Variants in SIGLEC1 observed in about 807,000 individuals in gnomAD.
SIGLEC1 encodes the protein sialoadhesin.
A neutral mutation model predicts 148.0 loss-of-function variants in SIGLEC1; 132 were observed. The observed-to-expected ratio is 0.89, with a 90% CI of 0.77 to 1.03. The LOEUF is 1.03. Ranked by LOEUF, SIGLEC1 falls within the 50% of genes least tolerant of loss-of-function variation. SIGLEC1 has a pLI of 0.00. For missense variants in SIGLEC1, 2,253 were observed against 2,271.4 expected, an observed-to-expected ratio of 0.99 and a Z score of 0.16; for synonymous variants, 945 against 969.0, an observed-to-expected ratio of 0.98 and a Z score of 0.46.
rs1027736142 is a variant in SIGLEC1, at chr20:3,688,473, C to T, written c.*87G>A. On this transcript the variant is annotated 3_prime_UTR_variant, in exon 22 of 22. Coordinates refer to ENST00000344754, the MANE Select transcript of SIGLEC1 (RefSeq NM_023068.4). ...GCTGTTTTCGTAGAGGCGGGCAGGA[C>T]TCAACACTGCCTCATTCACATTCAT... is the stretch of plus-strand genomic sequence containing the variant. The T allele has an allele frequency of 8.6e-7, 1 of 1,156,146 alleles. No homozygotes were observed. The allele number at this position is 1,156,146 out of a possible 1,614,324, so 71.6% of individuals were successfully genotyped here.
intron 1 of SIGLEC1, among the ~76,000 whole-genome samples, chr20:3,709,002 G>A (rs546708997): frequency 6.4e-5 from 8 of 125,528 alleles, no homozygotes; most frequent in East Asian, 5.1e-4. Context: ...CCAGGATCAC[G>A]CCACTGTACT....
Position 3,697,302 on chromosome 20 carries a change from C to G in SIGLEC1, c.2163G>C (p.Glu721Asp). 1 of 1,613,956 alleles carries G rather than the reference C, an allele frequency of 6.2e-7. No homozygotes were observed. The highest frequency in any genetic ancestry group is 8.5e-7 in the Non-Finnish European group (1 of 1,180,028). ...LAIAPSHTLQ[E>D]GTEANLTCNV... is the part of the protein sequence containing the mutation. ...TGCAAGTCAAGTTGGCTTCTGTGCCCTCCTGAAGTGTGTGTGATGGTGCAA... is the reference window on the plus strand; with the variant it reads ...TGCAAGTCAAGTTGGCTTCTGTGCCGTCCTGAAGTGTGTGTGATGGTGCAA... Residue 721 changes from glutamate to aspartate, a missense_variant, in exon 10 of 22, where the codon GAG becomes GAC. Physicochemically the swap from Glu to Asp is conservative, Grantham distance 45. Transcript: ENST00000344754.
intron 6 of SIGLEC1, 196 bp downstream of exon 6, chr20:3,703,001 T>C: frequency 1.7e-6 from 1 of 595,710 alleles, no homozygotes. Flanking sequence ...AAGTTTAAAC[T>C]TCCAAATATA....
At chr20:3,707,518 C>T (rs1307606356) in intron 1 of SIGLEC1, among the ~76,000 whole-genome samples, 1 of 152,168 alleles carries the variant, frequency 6.6e-6, no homozygotes, top group Non-Finnish European at 1.5e-5. Flanking sequence ...GCCCCCTCCC[C>T]ACCACCCAAA....
At position 3,707,084 on chromosome 20, in the gene SIGLEC1, T is replaced by C. The variant is rs368058450; in HGVS notation, c.45A>G (p.Pro15=). The C allele has an allele frequency of 2.5e-5, 41 of 1,613,928 alleles. No individual in the cohort carries two copies. The highest frequency in any genetic ancestry group is 3.3e-5 in the Non-Finnish European group (39 of 1,179,940). ...PKLLLLASFF[P]AGQASWGVSS... ...CACTAGGCCCGCAAAGCTTACCTGCTGGGAAGAATGAGGCCAGGAGGAGAA... is the reference window on the plus strand; with the variant it reads ...CACTAGGCCCGCAAAGCTTACCTGCCGGGAAGAATGAGGCCAGGAGGAGAA... The change falls in exon 2 of 22, where the codon CCA becomes CCG. Residue 15 remains proline, a synonymous_variant. Transcript: ENST00000344754.
At chr20:3,701,271 G>C in intron 7 of SIGLEC1, 71 bp downstream of exon 7, 3 of 1,393,250 alleles carry the variant, frequency 2.2e-6, no homozygotes, top group Non-Finnish European at 2.9e-6. Context: ...TAGACTTCTA[G>C]AAGGAACAGA....
intron 11 of SIGLEC1, among the ~76,000 whole-genome samples, chr20:3,696,129 T>TATATATATATATATAC (rs11087599): frequency 3.5e-5 from 5 of 142,516 alleles, no homozygotes; most frequent in African/African-American, 1.4e-4. Context: ...ACTATATATA[T>TATATATATATATATAC]ACACACACAC....
rs1287701999 is a variant in SIGLEC1 at position 3,697,803 on chromosome 20, C to A, written c.2117G>T (p.Gly706Val). Residue 706 changes from glycine to valine, a missense_variant, in exon 9 of 22, where the codon GGC (glycine) becomes GTC (valine). Transcript: ENST00000344754. ...CCATTCCCTGCCTGACTCACCCTGG[C>A]CATTGAAGGTGGCTGAGGTGGAGGC... ...GNASTSATFN[G>V]QATVLAIAPS... 6.2e-7 allele frequency: 1 copy of A among 1,612,630 alleles called. No individual in the cohort carries two copies.
At chr20:3,697,430 A>C in intron 9 of SIGLEC1, 88 bp from the exon 10 acceptor site, 1 of 1,557,138 alleles carries the variant, frequency 6.4e-7, no homozygotes, top group Admixed American at 1.8e-5. Flanking sequence ...AGCAGGAAGG[A>C]GGCCCCCTGG....
rs2087807620 is a variant in SIGLEC1 at position 3,697,081 on chromosome 20, C to A, written c.2380+4G>T. 6.2e-7 allele frequency: 1 copy of A among 1,609,364 alleles called. No individual in the cohort carries two copies. The highest frequency in any genetic ancestry group is 8.5e-7 in the Non-Finnish European group (1 of 1,179,764). ...TCCCCAGGCTGCCCATGCCAGTCACCCACAGAGTACACTCAGGAGCACGGG... is the reference window on the plus strand; with the variant it reads ...TCCCCAGGCTGCCCATGCCAGTCACACACAGAGTACACTCAGGAGCACGGG... On this transcript the variant is annotated splice_donor_region_variant and intron_variant, in intron 10 of 21. Transcript: ENST00000344754.
chr20:3,711,068 G>A (rs2087925911), intron 1 of SIGLEC1, among the ~76,000 whole-genome samples: 2 of 152,196 alleles, frequency 1.3e-5, no homozygotes, highest in South Asian at 2.1e-4. Flanking sequence ...AGCACGCAGC[G>A]CCCCCTGGTG....
At position 3,689,719 on chromosome 20, in the gene SIGLEC1, G is replaced by T; in HGVS notation, c.4895-17C>A. 1 of 1,556,814 alleles carries T rather than the reference G, an allele frequency of 6.4e-7. No individual in the cohort carries two copies. Among genetic ancestry groups the T allele is most frequent in the Non-Finnish European group, 8.7e-7 (1 of 1,149,678 alleles). Reference sequence around the variant, plus strand: ...GGTGCAGGGCTGGAACACAGAGCGGGACTCAGAGCAGCCACAGCTGCAGGC... The same window carrying T: ...GGTGCAGGGCTGGAACACAGAGCGGTACTCAGAGCAGCCACAGCTGCAGGC... On this transcript the variant is annotated splice_polypyrimidine_tract_variant and intron_variant, in intron 19 of 21. Transcript: ENST00000344754.
chr20:3,700,260 G>A (rs2087840272), intron 7 of SIGLEC1, among the ~76,000 whole-genome samples: 1 of 151,646 alleles, frequency 6.6e-6, no homozygotes, highest in African/African-American at 2.4e-5. Flanking sequence ...TGGGACCACA[G>A]GTGTGCGCCA....
Position 3,697,170 on chromosome 20 carries a change from G to A in SIGLEC1, c.2295C>T (p.Ala765=). Residue 765 remains alanine, a synonymous_variant, in exon 10 of 22, where the codon GCC becomes GCT. Transcript: ENST00000344754. ...AGGCGTAAAGGGCAGCATCAGTTCT[G>A]GCCACGGGCAGCAGTGTCACGGTCT... ...PLETVTLLPV[A]RTDAALYACR... is the part of the protein sequence containing the mutation. 1.4e-5 allele frequency: 22 copies of A among 1,613,806 alleles called. No homozygotes were observed. The highest frequency in any genetic ancestry group is 1.9e-5 in the Non-Finnish European group (22 of 1,180,032).
chr20:3,690,709 T>C (rs1296392333), intron 18 of SIGLEC1, among the ~76,000 whole-genome samples: 1 of 152,240 alleles, frequency 6.6e-6, no homozygotes, highest in Non-Finnish European at 1.5e-5. Flanking sequence ...AATAGCTGAC[T>C]GATACAGTGT....
At chr20:3,698,722 G>A (rs535732738) in intron 8 of SIGLEC1, among the ~76,000 whole-genome samples, 4 of 152,340 alleles carry the variant, frequency 2.6e-5, no homozygotes, top group African/African-American at 7.2e-5. Context: ...GTTCCGGGAC[G>A]TGGCTCCGGC....
In SIGLEC1 at chr20:3,693,083, C is replaced by G. The variant is rs1290943618; in HGVS notation, c.3557G>C (p.Gly1186Ala). The G allele has an allele frequency of 1.9e-6, 3 of 1,596,666 alleles. No individual in the cohort carries two copies. Among genetic ancestry groups the G allele is most frequent in the Non-Finnish European group, 1.7e-6 (2 of 1,173,518 alleles). Residue 1186 changes from glycine (G) to alanine (A), a missense_variant, in exon 15 of 22, where the codon GGG (glycine) becomes GCG (alanine). Physicochemically the swap from Gly to Ala is moderately conservative, Grantham distance 60. Coordinates refer to ENST00000344754, the MANE Select transcript of SIGLEC1 (RefSeq NM_023068.4). ...AGTGCACAGTACCAGGGCCAGCTGC[C>G]CGCCATGGCTCTCCAGGAGGTAGGT... The part of the protein sequence containing the change: ...RLTYLLESHG[G>A]QLALVLCTVD...
At chr20:3,692,429 C>T in intron 16 of SIGLEC1, 92 bp downstream of exon 16, 1 of 1,398,932 alleles carries the variant, frequency 7.1e-7, no homozygotes, top group Non-Finnish European at 9.5e-7. Context: ...TTCCTGGGCC[C>T]ACTGCAGTCC....
At position 3,691,606 on chromosome 20, in the gene SIGLEC1, G is replaced by T; in HGVS notation, c.4331-6C>A. ...CTCTGCCACCACGCGTGCACCTGCG[G>T]GCGGAGGATAGAGAGATGATTGGGG... is the stretch of plus-strand genomic sequence containing the variant. On this transcript the variant is annotated splice_polypyrimidine_tract_variant and splice_region_variant and intron_variant, in intron 17 of 21. Coordinates refer to ENST00000344754, the MANE Select transcript of SIGLEC1 (RefSeq NM_023068.4). The T allele has an allele frequency of 6.2e-7, 1 of 1,610,692 alleles. No individual in the cohort carries two copies. Among genetic ancestry groups the T allele is most frequent in the Non-Finnish European group, 8.5e-7 (1 of 1,178,884 alleles).
Sources: gnomAD v4.1 joint callset for allele counts (sites outside exome capture counted in the v4.1 genomes callset) on GRCh38, gnomAD v4.1.1 for gene constraint, MANE v1.5 for transcripts, NCBI Gene and HGNC (gene_info 2026-07-23, HGNC 2026-07-21) for gene names.